Variants in EFCAB10 observed in about 807,000 individuals in gnomAD.
EFCAB10 encodes the protein EF-hand calcium-binding domain-containing protein 10.
EFCAB10 carries 7 observed loss-of-function variants against 7.7 expected under a neutral mutation model. The observed-to-expected ratio is 0.91, with a 90% CI of 0.52 to 1.72. The LOEUF is 1.72. Ranked by LOEUF, EFCAB10 falls within the 40% of genes most tolerant of loss-of-function variation. The pLI is 0.00. For synonymous variants in EFCAB10, 52 were observed against 21.0 expected (o/e 2.47, Z -4.03); for missense variants, 112 against 61.5 (o/e 1.82, Z -2.74).
intron 1 of EFCAB10, among the ~76,000 whole-genome samples, chr7:105,577,081 TCA>T (rs150738487): frequency 0.051 from 7,666 of 151,792 alleles, 673 homozygotes; most frequent in African/African-American, 0.17. Flanking sequence ...TACCCATGTC[TCA>T]GTTTTAAAAA....
intron 3 of EFCAB10, 128 bp from the exon 4 acceptor site, chr7:105,567,618 A>G (rs948579195): frequency 5.4e-5 from 30 of 555,524 alleles, no homozygotes; most frequent in Non-Finnish European, 9.2e-5. Flanking sequence ...TTCCTGTGCT[A>G]ATTAAGGGAA....
At chr7:105,571,279 A>G (rs971439279) in intron 1 of EFCAB10, 9 of 152,334 alleles carry the variant, frequency 5.9e-5, no homozygotes, top group Middle Eastern at 3.4e-3. Context: ...TGCAATTCTG[A>G]CTGAAAAGGT....
chr7:105,568,933 G>A (rs1390368122), intron 3 of EFCAB10, among the ~76,000 whole-genome samples: 1 of 140,364 alleles, frequency 7.1e-6, no homozygotes, highest in Non-Finnish European at 1.5e-5. Flanking sequence ...CTGGGCAACA[G>A]AGCAAGACTC....
At chr7:105,569,051 C>A (rs1236333534) in intron 3 of EFCAB10, among the ~76,000 whole-genome samples, 152 bp downstream of exon 3, 1 of 152,002 alleles carries the variant, frequency 6.6e-6, no homozygotes, top group Non-Finnish European at 1.5e-5. Flanking sequence ...ACTTTACCGT[C>A]AGCCTTACCT....
At chr7:105,578,828 A>G (rs1379872367) in intron 1 of EFCAB10, among the ~76,000 whole-genome samples, 1 of 152,210 alleles carries the variant, frequency 6.6e-6, no homozygotes, top group African/African-American at 2.4e-5. Flanking sequence ...GCTGGAGTGC[A>G]ACAGTGAAAT....
In EFCAB10 at chr7:105,569,194, T is replaced by C. The variant is rs1206481453; in HGVS notation, c.359+9A>G. 1.4e-6 allele frequency: 1 copy of C among 699,756 alleles called. No homozygotes were observed. Among genetic ancestry groups the C allele is most frequent in the Non-Finnish European group, 2.6e-6 (1 of 384,794 alleles). The allele number at this position is 699,756 out of a possible 1,614,324, so 43.3% of individuals were successfully genotyped here. On this transcript the variant is annotated intron_variant, in intron 3 of 4. Coordinates refer to ENST00000480514, the MANE Select transcript of EFCAB10 (RefSeq NM_001355526.2). The stretch of plus-strand genomic sequence containing the variant: ...TATTAAAATATTTGTCACTTAAAAA[T>C]AAACTTACACTTCCTCCTTGAATTT...
At chr7:105,581,325 G>C (rs950484516) in intron 1 of EFCAB10, 33 bp downstream of exon 1, 2 of 702,516 alleles carry the variant, frequency 2.8e-6, no homozygotes, top group Admixed American at 2.0e-5. Flanking sequence ...CCCACATGGA[G>C]GTATGGCTGT....
intron 4 of EFCAB10, chr7:105,565,678 A>C: frequency 1.4e-6 from 2 of 1,402,784 alleles, no homozygotes; most frequent in Non-Finnish European, 2.0e-6. Flanking sequence ...ATTAATATTA[A>C]TGTATCAAAT....
In EFCAB10 at chr7:105,565,304, G is replaced by A. The variant is rs1791659155; in HGVS notation, c.*143C>T. ...GGTTGTCCTTGCCATCTCAGTCAGA[G>A]CAGGCAGTGATGTCCCTGTCCAGTT... On this transcript the variant is annotated 3_prime_UTR_variant, in exon 5 of 5. Transcript: ENST00000480514. The A allele has an allele frequency of 1.9e-6, 3 of 1,612,386 alleles. No homozygotes were observed. Among genetic ancestry groups the A allele is most frequent in the Admixed American group, 1.7e-5 (1 of 59,928 alleles).
intron 1 of EFCAB10, 48 bp downstream of exon 1, chr7:105,581,310 C>G (rs1792229004): frequency 1.4e-6 from 1 of 695,222 alleles, no homozygotes; most frequent in South Asian, 1.5e-5. Flanking sequence ...GTGTGGGAAG[C>G]GAACCCCACA....
chr7:105,578,138 C>T (rs144104564), intron 1 of EFCAB10, among the ~76,000 whole-genome samples: 10 of 152,256 alleles, frequency 6.6e-5, no homozygotes, highest in African/African-American at 2.4e-4. Flanking sequence ...TCCAGTTGGC[C>T]TGGGACAGTC....
chr7:105,571,436 G>A (rs975924491), intron 1 of EFCAB10: 5 of 152,172 alleles, frequency 3.3e-5, no homozygotes, highest in Admixed American at 6.6e-5. Context: ...GAGATGAAAC[G>A]TAGTTCTACA....
At chr7:105,571,084 TAGAC>T (rs1201723092) in intron 1 of EFCAB10, 1 of 152,144 alleles carries the variant, frequency 6.6e-6, no homozygotes, top group Non-Finnish European at 1.5e-5. Context: ...TTTATAAAAG[TAGAC>T]AGAAAAGTAA....
At chr7:105,576,196 C>T (rs912367896) in intron 1 of EFCAB10, among the ~76,000 whole-genome samples, 2 of 152,096 alleles carry the variant, frequency 1.3e-5, no homozygotes, top group African/African-American at 4.8e-5. Context: ...TAGGACAAAA[C>T]GACTTCAAAG....
At chr7:105,566,982 A>T (rs910758466) in intron 4 of EFCAB10, 7 of 477,644 alleles carry the variant, frequency 1.5e-5, no homozygotes, top group African/African-American at 1.4e-4. Context: ...AAAGAACCAA[A>T]TAATAAATCC....
chr7:105,572,232 G>A (rs1399006219), intron 1 of EFCAB10: 1 of 152,134 alleles, frequency 6.6e-6, no homozygotes, highest in Non-Finnish European at 1.5e-5. Flanking sequence ...CAGCTCTTGA[G>A]CATCATTTAA....
chr7:105,568,062 G>A (rs993190900), intron 3 of EFCAB10, among the ~76,000 whole-genome samples: 1 of 152,160 alleles, frequency 6.6e-6, no homozygotes, highest in African/African-American at 2.4e-5. Context: ...TCTCACAAAT[G>A]CCCTTCTATT....
At chr7:105,578,902 A>G (rs975928137) in intron 1 of EFCAB10, among the ~76,000 whole-genome samples, 1 of 152,114 alleles carries the variant, frequency 6.6e-6, no homozygotes, top group African/African-American at 2.4e-5. Context: ...TCTCCCTAGT[A>G]GCTGGGACTA....
chr7:105,579,893 A>G lies in EFCAB10; in HGVS notation c.106+1465T>C, dbSNP rs534278548. On this transcript the variant is annotated intron_variant, in intron 1 of 4. Coordinates refer to ENST00000480514, the MANE Select transcript of EFCAB10 (RefSeq NM_001355526.2). ...TTTTAAACCCCATACATCCACTTCAATAAAAATGAAATTTAAAAATAAATG... is the reference window on the plus strand; with the variant it reads ...TTTTAAACCCCATACATCCACTTCAGTAAAAATGAAATTTAAAAATAAATG... Among the ~76,000 whole-genome samples, 13 of 152,342 alleles carry G rather than the reference A, an allele frequency of 8.5e-5. No homozygotes were observed. The East Asian group carries it at 2.3e-3, about 27-fold the overall frequency.
Sources: gnomAD v4.1 joint callset for allele counts (sites outside exome capture counted in the v4.1 genomes callset) on GRCh38, gnomAD v4.1.1 for gene constraint, MANE v1.5 for transcripts, NCBI Gene and HGNC (gene_info 2026-07-23, HGNC 2026-07-21) for gene names.